ENPP2: variants seen among roughly 807,000 people sequenced by gnomAD.
ENPP2 encodes autotaxin.
A neutral mutation model predicts 120.2 loss-of-function variants in ENPP2; 51 were observed. That is an observed-to-expected ratio of 0.42 (90% confidence interval 0.34 to 0.54). The LOEUF (loss-of-function observed/expected upper bound fraction) is 0.54. Ranked by LOEUF, ENPP2 falls within the 20% of genes least tolerant of loss-of-function variation. The pLI is 0.04. For missense variants in ENPP2, 920 were observed against 1,066.5 expected, an observed-to-expected ratio of 0.86 and a Z score of 1.91; for synonymous variants, 365 against 366.4, an observed-to-expected ratio of 1.00 and a Z score of 0.04.
intron 24 of ENPP2, among the ~76,000 whole-genome samples, chr8:119,559,878 A>G (rs1222134537): frequency 6.6e-6 from 1 of 152,208 alleles, no homozygotes; most frequent in African/African-American, 2.4e-5. Flanking sequence ...ATTCACAGCA[A>G]GGACAGCTTC....
intron 11 of ENPP2, among the ~76,000 whole-genome samples, chr8:119,598,520 T>A (rs932377789): frequency 2.0e-5 from 3 of 152,210 alleles, no homozygotes; most frequent in Admixed American, 2.0e-4. Flanking sequence ...TATTCCCTAC[T>A]CAGTACTTTC....
chr8:119,572,989 C>T (rs16892789), intron 19 of ENPP2: 14,354 of 152,178 alleles, frequency 0.094, 850 homozygotes, highest in Middle Eastern at 0.18. Flanking sequence ...ATGCCTGTTG[C>T]CCTGGTATAA....
intron 1 of ENPP2, among the ~76,000 whole-genome samples, chr8:119,652,546 G>A (rs751121056): frequency 3.9e-5 from 6 of 152,190 alleles, no homozygotes; most frequent in Admixed American, 3.3e-4. Flanking sequence ...GATTTGGACA[G>A]CAGAATTGAG....
At chr8:119,651,364 C>A (rs1817621074) in intron 1 of ENPP2, among the ~76,000 whole-genome samples, 1 of 152,136 alleles carries the variant, frequency 6.6e-6, no homozygotes, top group Non-Finnish European at 1.5e-5. Flanking sequence ...GCCAGGCAAC[C>A]TACTGGGGAC....
chr8:119,647,890 G>A (rs753972155), intron 1 of ENPP2, among the ~76,000 whole-genome samples: 5 of 151,940 alleles, frequency 3.3e-5, no homozygotes, highest in Non-Finnish European at 7.4e-5. Flanking sequence ...CTGTAATCCC[G>A]GCTACTTGGA....
At chr8:119,630,680 T>C (rs1168568830) in intron 2 of ENPP2, among the ~76,000 whole-genome samples, 3 of 152,162 alleles carry the variant, frequency 2.0e-5, no homozygotes, top group Admixed American at 6.5e-5. Flanking sequence ...TCAAAAGAAG[T>C]ACTGTACTTA....
intron 8 of ENPP2, among the ~76,000 whole-genome samples, chr8:119,613,706 T>C (rs370154214): frequency 2.0e-5 from 3 of 152,334 alleles, no homozygotes; most frequent in South Asian, 2.1e-4. Context: ...TATACTCTTA[T>C]ACTTTGACTA....
At position 119,604,963 on chromosome 8, in the gene ENPP2, G is replaced by A. The variant is rs532393626; in HGVS notation, c.833+2959C>T. Among the ~76,000 whole-genome samples, 4 of 151,986 alleles carry A rather than the reference G, an allele frequency of 2.6e-5. No individual in the cohort carries two copies. The East Asian group carries it at 7.8e-4, about 30-fold the overall frequency. On this transcript the variant is annotated intron_variant, in intron 9 of 24. Coordinates refer to ENST00000075322, the MANE Select transcript of ENPP2 (RefSeq NM_001040092.3). ...TAATTTTTTGTATTTTTAGTAGAGA[G>A]GGGGTTTCACCGTGTTAGCCAGGAT...
chr8:119,567,187 A>G (rs1587334597), intron 22 of ENPP2, among the ~76,000 whole-genome samples: 1 of 152,300 alleles, frequency 6.6e-6, no homozygotes, highest in East Asian at 1.9e-4. Flanking sequence ...TGTTCACTAC[A>G]AATGTACTGA....
At chr8:119,670,252 C>T (rs1371179945) in intron 1 of ENPP2, among the ~76,000 whole-genome samples, 4 of 152,158 alleles carry the variant, frequency 2.6e-5, no homozygotes, top group African/African-American at 7.2e-5. Context: ...CCCACAGACT[C>T]GAGGCATTAT....
At chr8:119,655,426 T>C (rs1208805875) in intron 1 of ENPP2, among the ~76,000 whole-genome samples, 1 of 152,198 alleles carries the variant, frequency 6.6e-6, no homozygotes, top group Non-Finnish European at 1.5e-5. Flanking sequence ...ATACAACTTG[T>C]TAATTGCTGA....
chr8:119,568,289 C>G, intron 21 of ENPP2, 37 bp from the exon 22 acceptor site: 1 of 1,141,662 alleles, frequency 8.8e-7, no homozygotes, highest in Non-Finnish European at 1.3e-6. Context: ...ACGTTGCTTA[C>G]CAAAATCTAT....
At position 119,583,893 on chromosome 8, in the gene ENPP2, C is replaced by T. The variant is rs539599614; in HGVS notation, c.1455+69G>A. The T allele has an allele frequency of 1.0e-4, 145 of 1,384,842 alleles. 1 individual carries two copies. The highest frequency in any genetic ancestry group is 1.4e-4 in the Non-Finnish European group (136 of 971,972). The allele number at this position is 1,384,842 out of a possible 1,614,324, so 85.8% of individuals were successfully genotyped here. ...TATGAATACTGTACAACTTCACTCA[C>T]ACCACCATTACTTATCCTTTCGAAG... is the stretch of plus-strand genomic sequence containing the variant. On this transcript the variant is annotated intron_variant, in intron 16 of 24. Transcript: ENST00000075322.
At chr8:119,644,625 T>TATATATATATATACACAC (rs1327738777) in intron 1 of ENPP2, among the ~76,000 whole-genome samples, 3 of 74,308 alleles carry the variant, frequency 4.0e-5, no homozygotes, top group African/African-American at 1.5e-4. Context: ...TATATATATA[T>TATATATATATATACACAC]ACACACACAC....
chr8:119,617,280 CAACAGG>C (rs751822302), intron 6 of ENPP2, 37 bp from the exon 7 acceptor site: 1 of 1,503,010 alleles, frequency 6.7e-7, no homozygotes, highest in Non-Finnish European at 9.3e-7. Flanking sequence ...ACAAGAGAAC[CAACAGG>C]AATTGCTTAT....
At chr8:119,608,051 A>T in intron 8 of ENPP2, 74 bp from the exon 9 acceptor site, 1 of 928,658 alleles carries the variant, frequency 1.1e-6, no homozygotes. Flanking sequence ...TTTAAAATAC[A>T]TTAGATCAGA....
At chr8:119,630,179 G>T (rs750642000) in intron 2 of ENPP2, among the ~76,000 whole-genome samples, 223 of 151,810 alleles carry the variant, frequency 1.5e-3, no homozygotes, top group Non-Finnish European at 2.8e-3. Flanking sequence ...TGTGATCTCG[G>T]CTCACTGCAA....
At chr8:119,672,109 G>A (rs1818268522) in intron 1 of ENPP2, among the ~76,000 whole-genome samples, 1 of 152,188 alleles carries the variant, frequency 6.6e-6, no homozygotes, top group Non-Finnish European at 1.5e-5. Flanking sequence ...CCAGGTGACT[G>A]GGTGTGAAGG....
At chr8:119,567,893 G>A (rs1474566105) in intron 22 of ENPP2, among the ~76,000 whole-genome samples, 1 of 152,206 alleles carries the variant, frequency 6.6e-6, no homozygotes, top group African/African-American at 2.4e-5. Flanking sequence ...TGCATGACCT[G>A]TGGTCACTTT....
Sources: allele counts gnomAD v4.1 joint callset (sites outside exome capture counted in the v4.1 genomes callset), GRCh38; gene constraint gnomAD v4.1.1; transcripts MANE v1.5; gene names NCBI Gene and HGNC (gene_info 2026-07-23, HGNC 2026-07-21).